Variants in KMT2C observed in about 807,000 individuals in gnomAD.
The protein encoded by KMT2C is lysine methyltransferase 2C.
A neutral mutation model predicts 507.9 loss-of-function variants in KMT2C; 88 were observed. That is an observed-to-expected ratio of 0.17 (90% CI 0.15 to 0.21). The LOEUF (loss-of-function observed/expected upper bound fraction) is 0.21. Among genes scored for constraint, KMT2C ranks in the 10% least tolerant of loss-of-function variants. The pLI, the probability that KMT2C is intolerant of heterozygous loss-of-function variation, is 1.00. For synonymous variants in KMT2C, 2,049 were observed against 2,080.8 expected (o/e 0.98, Z 0.42); for missense variants, 4,954 against 5,957.8 (o/e 0.83, Z 5.55).
chr7:152,393,338 C>G (rs529401855), intron 1 of KMT2C, among the ~76,000 whole-genome samples: 21 of 152,258 alleles, frequency 1.4e-4, no homozygotes, highest in African/African-American at 4.8e-4. Context: ...TCATTTACAG[C>G]TCCAAAATAT....
At chr7:152,343,483 T>C (rs1170537863) in intron 2 of KMT2C, among the ~76,000 whole-genome samples, 2 of 140,048 alleles carry the variant, frequency 1.4e-5, no homozygotes, top group South Asian at 4.4e-4. Flanking sequence ...GAATGTTTAA[T>C]ACAGAAAACT....
chr7:152,150,729 C>T (rs973987335), intron 51 of KMT2C, among the ~76,000 whole-genome samples, 171 bp downstream of exon 51: 16 of 152,234 alleles, frequency 1.1e-4, no homozygotes, highest in Admixed American at 6.5e-4. Context: ...AAGAGTAGCA[C>T]GACTCAAGGC....
chr7:152,380,813 G>T (rs1343312673), intron 1 of KMT2C, among the ~76,000 whole-genome samples: 1 of 152,006 alleles, frequency 6.6e-6, no homozygotes, highest in Admixed American at 6.6e-5. Flanking sequence ...AGGAAGGAGG[G>T]GTAGCACGAA....
intron 5 of KMT2C, among the ~76,000 whole-genome samples, chr7:152,311,568 A>C (rs1052731985): frequency 2.6e-5 from 4 of 152,232 alleles, no homozygotes; most frequent in Non-Finnish European, 5.9e-5. Context: ...TACACAAGAA[A>C]AAATACAAGT....
chr7:152,232,116 T>A (rs1003490220), intron 16 of KMT2C, among the ~76,000 whole-genome samples: 1 of 152,116 alleles, frequency 6.6e-6, no homozygotes, highest in South Asian at 2.1e-4. Flanking sequence ...CCTGACCTCA[T>A]GATCTGCCCA....
chr7:152,331,638 A>AAC (rs1589242669), intron 2 of KMT2C, among the ~76,000 whole-genome samples: 4 of 138,370 alleles, frequency 2.9e-5, no homozygotes, highest in South Asian at 4.7e-4. Flanking sequence ...ACAACAACAA[A>AAC]AAGATTTTTT....
chr7:152,254,496 A>C (rs2095613263), intron 9 of KMT2C, among the ~76,000 whole-genome samples: 1 of 152,178 alleles, frequency 6.6e-6, no homozygotes, highest in Non-Finnish European at 1.5e-5. Flanking sequence ...AATGCAACAG[A>C]TGATTAAAGA....
intron 40 of KMT2C, among the ~76,000 whole-genome samples, chr7:152,170,333 A>G (rs1428030287): frequency 6.6e-6 from 1 of 151,638 alleles, no homozygotes; most frequent in East Asian, 1.9e-4. Context: ...AAAACAGGAC[A>G]TACATTATAG....
chr7:152,421,279 G>A (rs2097775896), intron 1 of KMT2C, among the ~76,000 whole-genome samples: 1 of 152,248 alleles, frequency 6.6e-6, no homozygotes, highest in South Asian at 2.1e-4. Context: ...AAAAGGGAAG[G>A]CTTATACACT....
chr7:152,157,699 C>G, intron 44 of KMT2C: 1 of 1,000,660 alleles, frequency 1.0e-6, no homozygotes, highest in Non-Finnish European at 1.3e-6. Context: ...AAGACAAGCT[C>G]TATCAATTCT....
Position 152,178,015 on chromosome 7 carries a change from T to TTTAAAAAAAAAAAAAAA in KMT2C, c.7443-6_7443-5insTTTTTTTTTTTTTTTAA, listed in dbSNP as rs1491309235. 5 of 777,676 alleles carry TTTAAAAAAAAAAAAAAA rather than the reference T, an allele frequency of 6.4e-6. No homozygotes were observed. In the African/African-American group the frequency reaches 1.6e-4, roughly 25 times the overall value. The allele number at this position is 777,676 out of a possible 1,614,324, so 48.2% of individuals were successfully genotyped here. A position where few individuals can be genotyped will look rare whatever the true frequency, so the allele number is the denominator to read the frequency against. On this transcript the variant is annotated splice_polypyrimidine_tract_variant and splice_region_variant and intron_variant, in intron 37 of 58. Coordinates refer to ENST00000262189, the MANE Select transcript of KMT2C (RefSeq NM_170606.3). ...CTACCTCCTGGAAATCCAAATCTTT[T>TTTAAAAAAAAAAAAAAA]AAAAAAAAAAAAAAAAAAAAAAAAA...
intron 1 of KMT2C, among the ~76,000 whole-genome samples, chr7:152,429,651 A>G (rs2097849503): frequency 6.6e-6 from 1 of 151,078 alleles, no homozygotes; most frequent in Non-Finnish European, 1.5e-5. Context: ...CTCCCGAGTC[A>G]CTGGGACTAT....
At chr7:152,219,581 TAA>T (rs1207953512) in intron 23 of KMT2C, among the ~76,000 whole-genome samples, 2 of 137,462 alleles carry the variant, frequency 1.5e-5, no homozygotes, top group African/African-American at 5.4e-5. Flanking sequence ...CACTGCCCCT[TAA>T]AAAAAAAAAA....
chr7:152,375,826 T>C (rs575654323), intron 1 of KMT2C, among the ~76,000 whole-genome samples: 1 of 152,160 alleles, frequency 6.6e-6, no homozygotes, highest in Non-Finnish European at 1.5e-5. Context: ...GTGATATATA[T>C]ATATTTTTTC....
chr7:152,257,162 C>A lies in KMT2C; in HGVS notation c.1300-4447G>T, dbSNP rs150451946. On this transcript the variant is annotated intron_variant, in intron 9 of 58. Coordinates refer to ENST00000262189, the MANE Select transcript of KMT2C (RefSeq NM_170606.3). ...CATAGCACAGATACACAATGGAGTG[C>A]TATGCAGCTGTTTAAAAGGAGAATG... Among the ~76,000 whole-genome samples the A allele has an allele frequency of 4.9e-4, 75 of 152,290 alleles. 1 individual carries two copies. In the East Asian group the frequency reaches 0.012, roughly 25 times the overall value.
intron 1 of KMT2C, among the ~76,000 whole-genome samples, chr7:152,400,801 T>A (rs1329881300): frequency 7.8e-6 from 1 of 127,536 alleles, no homozygotes; most frequent in Non-Finnish European, 1.6e-5. Flanking sequence ...GCAAAAAGAG[T>A]AAGGAAAAGT....
intron 37 of KMT2C, among the ~76,000 whole-genome samples, chr7:152,179,120 A>G (rs1212806243): frequency 2.6e-5 from 4 of 152,158 alleles, no homozygotes; most frequent in Admixed American, 2.6e-4. Flanking sequence ...CCTCCTGAGT[A>G]GCCGCGAATA....
chr7:152,144,140 A>G lies in KMT2C; in HGVS notation c.14343+573T>C, dbSNP rs796183590. Among the ~76,000 whole-genome samples the G allele has an allele frequency of 5.3e-5, 8 of 152,344 alleles. No individual in the cohort carries two copies. The highest frequency in any genetic ancestry group is 1.9e-4 in the African/African-American group (8 of 41,568). On this transcript the variant is annotated intron_variant, in intron 55 of 58. Transcript: ENST00000262189. The surrounding 1 kb of genome is among the most constrained non-coding windows in gnomAD (Gnocchi z 4.4). ...AAGTTTGACAAAGTAAGAGCTTTGT[A>G]ATTCCATTCTGAGACATCCAAGGAG...
chr7:152,143,030 G>A (rs1311498830), intron 55 of KMT2C, among the ~76,000 whole-genome samples: 2 of 152,136 alleles, frequency 1.3e-5, no homozygotes, highest in Non-Finnish European at 2.9e-5. Flanking sequence ...GTGACAGGTT[G>A]AACACAGTTA....
Sources: allele counts gnomAD v4.1 joint callset (sites outside exome capture counted in the v4.1 genomes callset), GRCh38; gene constraint gnomAD v4.1.1; non-coding constraint Gnocchi (gnomAD v3.1); transcripts MANE v1.5; gene names NCBI Gene and HGNC (gene_info 2026-07-23, HGNC 2026-07-21).